ABCC5: variants seen among roughly 807,000 people sequenced by gnomAD.
The protein encoded by ABCC5 is ATP binding cassette subfamily C member 5, also known as ATP-binding cassette sub-family C member 5.
ABCC5 carries 61 observed loss-of-function variants against 160.9 expected under a neutral mutation model. The observed-to-expected ratio is 0.38, with a 90% CI of 0.31 to 0.47. The LOEUF is 0.47. Ranked by LOEUF, ABCC5 falls within the 20% of genes least tolerant of loss-of-function variation. The pLI is 0.99. For missense variants in ABCC5, 1,308 were observed against 1,813.3 expected (o/e 0.72, Z 5.06); for synonymous variants, 666 against 700.6 (o/e 0.95, Z 0.78).
At chr3:183,928,109 T>C (rs560760320) in intron 27 of ABCC5, among the ~76,000 whole-genome samples, 3 of 136,498 alleles carry the variant, frequency 2.2e-5, no homozygotes, top group Admixed American at 1.6e-4. Context: ...ATATGTTATG[T>C]ATCTTTTTTT....
intron 29 of ABCC5, among the ~76,000 whole-genome samples, chr3:183,922,369 G>A (rs1179791531): frequency 2.6e-5 from 4 of 151,952 alleles, no homozygotes; most frequent in Admixed American, 2.0e-4. Context: ...GCGAAACTCC[G>A]TCTCAAAAAA....
chr3:183,956,174 ATG>A, intron 17 of ABCC5, among the ~76,000 whole-genome samples: 1 of 144,968 alleles, frequency 6.9e-6, no homozygotes, highest in African/African-American at 2.5e-5. Context: ...CATCGGTTAC[ATG>A]CAGATCCGTG....
chr3:183,925,811 T>A, intron 28 of ABCC5, 92 bp from the exon 29 acceptor site: 1 of 1,270,440 alleles, frequency 7.9e-7, no homozygotes, highest in East Asian at 2.5e-5. Context: ...TCATTTAAGT[T>A]TTACACTATC....
chr3:183,953,344 A>G, intron 17 of ABCC5, 74 bp from the exon 18 acceptor site: 2 of 1,398,294 alleles, frequency 1.4e-6, no homozygotes, highest in East Asian at 4.7e-5. Context: ...CCTGCAGAGC[A>G]ACAGAATCGG....
intron 16 of ABCC5, 103 bp downstream of exon 16, chr3:183,961,408 G>T: frequency 7.0e-7 from 1 of 1,424,592 alleles, no homozygotes; most frequent in Non-Finnish European, 9.5e-7. Context: ...CTGCCAATAA[G>T]ACACAGACAC....
At chr3:183,931,416 C>T (rs1243825045) in intron 26 of ABCC5, among the ~76,000 whole-genome samples, 3 of 151,780 alleles carry the variant, frequency 2.0e-5, no homozygotes, top group Admixed American at 1.3e-4. Flanking sequence ...AACCCCTGCC[C>T]TGCCCCGCCA....
chr3:183,951,382 T>C lies in ABCC5; in HGVS notation c.2944+59A>G. ...AGATCTGCACATTTGGAGAATCATC[T>C]AGAAGGCTGGAAGCACAGTGAGCTC... On this transcript the variant is annotated intron_variant, in intron 20 of 29. Transcript: ENST00000334444. This position sits in a 1 kb window ranked among gnomAD's most constrained non-coding sequence, Gnocchi z 4.7. 6.3e-7 allele frequency: 1 copy of C among 1,591,500 alleles called. No homozygotes were observed. The highest frequency in any genetic ancestry group is 8.6e-7 in the Non-Finnish European group (1 of 1,168,840).
chr3:183,986,900 GAA>G (rs1225688709), intron 5 of ABCC5: 1 of 151,946 alleles, frequency 6.6e-6, no homozygotes. Context: ...CTCTGCTTCA[GAA>G]AAGAGATCAA....
At chr3:184,010,503 GA>G in intron 2 of ABCC5, 1 of 152,430 alleles carries the variant, frequency 6.6e-6, no homozygotes, top group Non-Finnish European at 1.5e-5. Flanking sequence ...CTTCGTAGAG[GA>G]AAAGCTCGCT....
Position 183,969,520 on chromosome 3 carries a change from C to G in ABCC5, c.1762-1754G>C, listed in dbSNP as rs187222450. On this transcript the variant is annotated intron_variant, in intron 11 of 29. Coordinates refer to ENST00000334444, the MANE Select transcript of ABCC5 (RefSeq NM_005688.4). ...CAGCCTGGCCAACATGGTGAAACCC[C>G]GTCTCTACTAAAAATACAAAAATTA... Among the ~76,000 whole-genome samples, 239 of 152,086 alleles carry G rather than the reference C, an allele frequency of 1.6e-3. 1 individual carries two copies. The highest frequency in any genetic ancestry group is 2.4e-3 in the Admixed American group (37 of 15,272).
intron 26 of ABCC5, among the ~76,000 whole-genome samples, 170 bp from the exon 27 acceptor site, chr3:183,928,995 C>T (rs547486816): frequency 6.6e-6 from 1 of 152,292 alleles, no homozygotes; most frequent in South Asian, 2.1e-4. Context: ...TGACAGCACA[C>T]TGGGCCACCT....
intron 25 of ABCC5, among the ~76,000 whole-genome samples, chr3:183,939,022 A>T (rs1714022859): frequency 6.6e-6 from 1 of 152,240 alleles, no homozygotes; most frequent in East Asian, 1.9e-4. Context: ...GTAATACGAG[A>T]TGACATCATC....
At chr3:184,002,362 G>A (rs1720815539) in intron 2 of ABCC5, among the ~76,000 whole-genome samples, 1 of 150,844 alleles carries the variant, frequency 6.6e-6, no homozygotes, top group Non-Finnish European at 1.5e-5. Flanking sequence ...TCGCACCACT[G>A]CACGCCAGCC....
At position 183,982,474 on chromosome 3, in the gene ABCC5, A is replaced by G; in HGVS notation, c.976T>C (p.Phe326Leu). ...ACCATTGCTGGGTAAAAGAGGATAA[A>G]AACAGCTGATCCCAGGAAGCCTGTT... ...GPTGFLGSAVFILFYPAMMFA... is the reference protein window; with the variant it reads ...GPTGFLGSAVLILFYPAMMFA... Residue 326 changes from phenylalanine to leucine, a missense_variant, in exon 7 of 30, where the codon TTT becomes CTT. By Grantham distance (22) the Phe-to-Leu change is conservative. Coordinates refer to ENST00000334444, the MANE Select transcript of ABCC5 (RefSeq NM_005688.4). The surrounding 1 kb of genome is among the most constrained non-coding windows in gnomAD (Gnocchi z 5.2). The G allele has an allele frequency of 6.2e-7, 1 of 1,614,052 alleles. No homozygotes were observed. Among genetic ancestry groups the G allele is most frequent in the Non-Finnish European group, 8.5e-7 (1 of 1,179,954 alleles).
At chr3:183,965,636 C>T (rs369341832) in intron 12 of ABCC5, 135 bp from the exon 13 acceptor site, 1 of 1,162,044 alleles carries the variant, frequency 8.6e-7, no homozygotes, top group Non-Finnish European at 1.2e-6. Context: ...ATCCAGATTC[C>T]ACCTTTAATT....
chr3:183,956,990 ACATCACATCGGTTACATGCGGATCCG>A (rs1716092689), intron 17 of ABCC5, among the ~76,000 whole-genome samples: 1 of 150,920 alleles, frequency 6.6e-6, no homozygotes, highest in East Asian at 2.0e-4. Context: ...ATCCGTGTGT[ACATCACATCGGTTACATGCGGATCCG>A]TGTGTACATC....
At chr3:183,993,175 T>C (rs1719930409) in intron 2 of ABCC5, among the ~76,000 whole-genome samples, 1 of 152,118 alleles carries the variant, frequency 6.6e-6, no homozygotes, top group Admixed American at 6.6e-5. Context: ...ATTCCACTTT[T>C]GCAAATGTCT....
rs1560006883 is a variant in ABCC5 at position 183,957,778 on chromosome 3, A to AT, written c.2482+1954_2482+1955insA. On this transcript the variant is annotated intron_variant, in intron 17 of 29. Transcript: ENST00000334444. ...TGTGTATATCACATCGGTTACACGT[A>AT]AATCCGTGTGTATATCACATCGGTT... is the stretch of plus-strand genomic sequence containing the variant. 9.0e-5 allele frequency among the ~76,000 whole-genome samples: 7 copies of AT among 77,496 alleles called. No individual in the cohort carries two copies. In the East Asian group the frequency reaches 3.9e-3, roughly 43 times the overall value. 50.8% of individuals were successfully genotyped at this position (77,496 alleles called of 152,430 possible).
At chr3:183,934,414 TAC>T (rs1264130535) in intron 26 of ABCC5, among the ~76,000 whole-genome samples, 1 of 152,218 alleles carries the variant, frequency 6.6e-6, no homozygotes, top group African/African-American at 2.4e-5. Flanking sequence ...CAGTGTCTAC[TAC>T]AGACTAAAAA....
Sources: allele counts gnomAD v4.1 joint callset (sites outside exome capture counted in the v4.1 genomes callset), GRCh38; gene constraint gnomAD v4.1.1; non-coding constraint Gnocchi (gnomAD v3.1); transcripts MANE v1.5; gene names NCBI Gene and HGNC (gene_info 2026-07-23, HGNC 2026-07-21).